Variants in RAB3GAP1 observed in about 807,000 individuals in gnomAD.
RAB3GAP1 encodes RAB3 GTPase activating protein catalytic subunit 1.
In RAB3GAP1, 86 loss-of-function variants were observed where a neutral mutation model predicts 130.7. The observed-to-expected ratio is 0.66, with a 90% CI of 0.55 to 0.79. The LOEUF is 0.79. Ranked by LOEUF, RAB3GAP1 falls within the 30% of genes least tolerant of loss-of-function variation. The pLI is 0.00. For missense variants in RAB3GAP1, 1,029 were observed against 1,169.4 expected (o/e 0.88, Z 1.75); for synonymous variants, 367 against 401.7 (o/e 0.91, Z 1.03).
Position 135,164,558 on chromosome 2 carries a change from C to A in RAB3GAP1, c.2607-36C>A, listed in dbSNP as rs748649129. 2.0e-6 allele frequency: 3 copies of A among 1,535,702 alleles called. No individual in the cohort carries two copies. In the Admixed American group the frequency reaches 5.0e-5, roughly 26 times the overall value. On this transcript the variant is annotated intron_variant, in intron 22 of 23. Transcript: ENST00000264158. ...GACGCCCAGTGGCCTGGACAGCTCA[C>A]TTTCCACCCTTTCATTGCCTGTCTC... is the stretch of plus-strand genomic sequence containing the variant.
intron 4 of RAB3GAP1, 58 bp downstream of exon 4, chr2:135,091,188 T>G (rs1690132729): frequency 6.8e-7 from 1 of 1,463,618 alleles, no homozygotes; most frequent in East Asian, 2.3e-5. Flanking sequence ...GCTGTAATTT[T>G]GAATTATTAA....
intron 5 of RAB3GAP1, among the ~76,000 whole-genome samples, chr2:135,096,027 A>T (rs1194910743): frequency 1.3e-5 from 2 of 152,254 alleles, no homozygotes; most frequent in African/African-American, 4.8e-5. Context: ...AGTTTCAAGC[A>T]TCCACTAGGG....
At chr2:135,124,099 G>T in intron 8 of RAB3GAP1, 66 bp from the exon 9 acceptor site, 4 of 1,454,586 alleles carry the variant, frequency 2.7e-6, no homozygotes, top group Non-Finnish European at 3.9e-6. Flanking sequence ...TATTCCAAAG[G>T]GCTTAACTAG....
At chr2:135,165,211 CAGAA>C (rs1692602395) in intron 23 of RAB3GAP1, 1 of 446,164 alleles carries the variant, frequency 2.2e-6, no homozygotes, top group Non-Finnish European at 4.5e-6. Flanking sequence ...GATTTCAGCA[CAGAA>C]AGAAAGCCCA....
At chr2:135,126,771 A>T in intron 11 of RAB3GAP1, 115 bp downstream of exon 11, 1 of 900,822 alleles carries the variant, frequency 1.1e-6, no homozygotes, top group Non-Finnish European at 1.9e-6. Flanking sequence ...ACCATGTAGG[A>T]AAAAAATCAT....
Position 135,115,303 on chromosome 2 carries a change from C to A in RAB3GAP1, c.570C>A (p.Phe190Leu). The change falls in exon 7 of 24, where the codon TTC becomes TTA. Residue 190 changes from phenylalanine to leucine, a missense_variant. Coordinates refer to ENST00000264158, the MANE Select transcript of RAB3GAP1 (RefSeq NM_012233.3). Reference protein sequence around the residue: ...ECQGPGVRTDFEMVHLRKVPN... With the variant: ...ECQGPGVRTDLEMVHLRKVPN... ...AAGGTCCTGGTGTACGAACTGATTT[C>A]GAAATGGTTCATCTTAGAAAAGTGC... 1 of 1,613,452 alleles carries A rather than the reference C, an allele frequency of 6.2e-7. No individual in the cohort carries two copies. The highest frequency in any genetic ancestry group is 1.1e-5 in the South Asian group (1 of 91,060).
chr2:135,070,900 G>A (rs925419749), intron 3 of RAB3GAP1, among the ~76,000 whole-genome samples: 3 of 152,130 alleles, frequency 2.0e-5, no homozygotes, highest in African/African-American at 7.2e-5. Context: ...CATAGCTTTT[G>A]TCAGATACTC....
chr2:135,081,179 T>C (rs1321739171), intron 3 of RAB3GAP1, among the ~76,000 whole-genome samples: 1 of 150,164 alleles, frequency 6.7e-6, no homozygotes, highest in African/African-American at 2.5e-5. Flanking sequence ...TGGTGGTGGG[T>C]GCCTGTAGTC....
intron 5 of RAB3GAP1, 42 bp from the exon 6 acceptor site, chr2:135,113,109 C>G (rs765613857): frequency 6.2e-7 from 1 of 1,613,334 alleles, no homozygotes; most frequent in East Asian, 2.2e-5. Context: ...TTTTTGTGTT[C>G]TGAGGTTTCC....
rs1692766611 is a variant in RAB3GAP1 at position 135,169,137 on chromosome 2, G to A, written c.*356G>A. 7.9e-6 allele frequency: 3 copies of A among 378,548 alleles called. No homozygotes were observed. Among genetic ancestry groups the A allele is most frequent in the Non-Finnish European group, 1.5e-5 (3 of 197,044 alleles). The allele number at this position is 378,548 out of a possible 1,614,324, so 23.4% of individuals were successfully genotyped here. On this transcript the variant is annotated 3_prime_UTR_variant, in exon 24 of 24. Coordinates refer to ENST00000264158, the MANE Select transcript of RAB3GAP1 (RefSeq NM_012233.3). ...AGCCTCTAGGCTAGCGGCTGCATTC[G>A]TGGTCTGTGCAAACACTTCGTGGTT...
chr2:135,098,984 A>G (rs1233419875), intron 5 of RAB3GAP1, among the ~76,000 whole-genome samples: 1 of 151,986 alleles, frequency 6.6e-6, no homozygotes, highest in East Asian at 1.9e-4. Flanking sequence ...GGATAGTATT[A>G]TTTCTTTTCT....
intron 17 of RAB3GAP1, among the ~76,000 whole-genome samples, chr2:135,148,491 CTT>C (rs571757000): frequency 0.15 from 15,819 of 108,114 alleles, 1,705 homozygotes; most frequent in African/African-American, 0.35. Context: ...GCTAGTAATT[CTT>C]TTTTTTTTTT....
chr2:135,118,543 A>C (rs572262058), intron 7 of RAB3GAP1, among the ~76,000 whole-genome samples: 1 of 151,968 alleles, frequency 6.6e-6, no homozygotes, highest in African/African-American at 2.4e-5. Flanking sequence ...GTTGATTTGG[A>C]TATTTGTCTC....
rs745751779 is a variant in RAB3GAP1 at position 135,117,832 on chromosome 2, T to TTTC, written c.648+2463_648+2465dup. On this transcript the variant is annotated intron_variant, in intron 7 of 23. Coordinates refer to ENST00000264158, the MANE Select transcript of RAB3GAP1 (RefSeq NM_012233.3). ...TCTTTCTTCTTCTTTCTTCTTCTTC[T>TTTC]TTCTTCTTCTTCTTTCTTCTTCTTC... 6.4e-3 allele frequency among the ~76,000 whole-genome samples: 953 copies of TTTC among 148,822 alleles called. 8 individuals are homozygous for TTTC. The highest frequency in any genetic ancestry group is 0.022 in the African/African-American group (894 of 40,292).
chr2:135,133,046 A>C, intron 14 of RAB3GAP1, 62 bp downstream of exon 14: 2 of 1,005,882 alleles, frequency 2.0e-6, no homozygotes, highest in South Asian at 2.6e-5. Flanking sequence ...TAGAGGTTCT[A>C]TATATTTCTA....
rs186119551 is a variant in RAB3GAP1 at position 135,093,719 on chromosome 2, T to C, written c.362+26T>C. 2.5e-5 allele frequency: 38 copies of C among 1,546,086 alleles called. No homozygotes were observed. In the African/African-American group the frequency reaches 3.8e-4, roughly 16 times the overall value. ...GTAGGTATATCTTTTACTCAGTATCTTTTAGTATGTGTGTTGCGGGGGACC... is the reference window on the plus strand; with the variant it reads ...GTAGGTATATCTTTTACTCAGTATCCTTTAGTATGTGTGTTGCGGGGGACC... On this transcript the variant is annotated intron_variant, in intron 5 of 23. Transcript: ENST00000264158.
chr2:135,118,928 C>T (rs1246189130), intron 7 of RAB3GAP1, among the ~76,000 whole-genome samples: 1 of 152,146 alleles, frequency 6.6e-6, no homozygotes, highest in Non-Finnish European at 1.5e-5. Context: ...GCAATGCCCT[C>T]ACACTGGACT....
At chr2:135,057,744 A>T (rs771084708) in intron 2 of RAB3GAP1, among the ~76,000 whole-genome samples, 11 of 152,214 alleles carry the variant, frequency 7.2e-5, no homozygotes, top group African/African-American at 1.2e-4. Flanking sequence ...TTAGAGATTC[A>T]TCAATTCTTA....
intron 5 of RAB3GAP1, among the ~76,000 whole-genome samples, chr2:135,100,949 A>T (rs1412798904): frequency 6.6e-6 from 1 of 152,228 alleles, no homozygotes; most frequent in Admixed American, 6.5e-5. Flanking sequence ...CTGAAAGACA[A>T]GTGAGAATAA....
Sources: gnomAD v4.1 joint callset for allele counts (sites outside exome capture counted in the v4.1 genomes callset) on GRCh38, gnomAD v4.1.1 for gene constraint, MANE v1.5 for transcripts, NCBI Gene and HGNC (gene_info 2026-07-23, HGNC 2026-07-21) for gene names.